The following TMEM135 variants were observed in gnomAD, a reference collection of about 807,000 sequenced individuals.
The protein encoded by TMEM135 is peroxisomal membrane protein 52.
In TMEM135, 30 loss-of-function variants were observed where a neutral mutation model predicts 60.3. That is an observed-to-expected ratio of 0.50 (90% CI 0.37 to 0.68). The LOEUF is 0.68. TMEM135 is among the 30% of genes least tolerant of loss of function. The pLI is 0.00. For synonymous variants in TMEM135, 190 were observed against 186.7 expected, an observed-to-expected ratio of 1.02 and a Z score of -0.14; for missense variants, 468 against 548.8, an observed-to-expected ratio of 0.85 and a Z score of 1.47.
intron 6 of TMEM135, among the ~76,000 whole-genome samples, chr11:87,237,502 G>A (rs991196390): frequency 3.3e-5 from 5 of 151,890 alleles, no homozygotes; most frequent in African/African-American, 1.2e-4. Flanking sequence ...CGGATTTTTA[G>A]TAGGATATAT....
rs1479914386 is a variant in TMEM135, at chr11:87,324,934, G to C, written c.*3601G>C. 2.2e-6 allele frequency: 1 copy of C among 453,872 alleles called. No homozygotes were observed. The highest frequency in any genetic ancestry group is 4.4e-6 in the Non-Finnish European group (1 of 226,766). 28.1% of individuals were successfully genotyped at this position (453,872 alleles called of 1,614,324 possible). A position where few individuals can be genotyped will look rare whatever the true frequency, so the allele number is the denominator to read the frequency against. ...GGCCAAGAAAAAAATACAAGAAAAGGAATAAGAAGTGATTATTTTCTTTAG... is the reference window on the plus strand; with the variant it reads ...GGCCAAGAAAAAAATACAAGAAAAGCAATAAGAAGTGATTATTTTCTTTAG... On this transcript the variant is annotated 3_prime_UTR_variant, in exon 15 of 15. Transcript: ENST00000305494.
intron 6 of TMEM135, chr11:87,259,275 ACC>A: frequency 2.6e-6 from 1 of 387,156 alleles, no homozygotes. Context: ...TGTAGGGGAC[ACC>A]AGAAGTGGAA....
intron 1 of TMEM135, among the ~76,000 whole-genome samples, chr11:87,061,458 TG>T (rs1432795522): frequency 6.6e-6 from 1 of 152,230 alleles, no homozygotes; most frequent in Non-Finnish European, 1.5e-5. Context: ...AATCATTTTT[TG>T]CTAGAGATTA....
chr11:87,213,892 A>G (rs301589), intron 5 of TMEM135, among the ~76,000 whole-genome samples: 72,164 of 152,034 alleles, frequency 0.47, 18,382 homozygotes, highest in Non-Finnish European at 0.58. Context: ...CTTGTTCTCA[A>G]TGTAGACTGA....
At chr11:87,155,286 G>T (rs538349681) in intron 4 of TMEM135, among the ~76,000 whole-genome samples, 1 of 152,170 alleles carries the variant, frequency 6.6e-6, no homozygotes, top group East Asian at 1.9e-4. Flanking sequence ...GGCGTGAGCC[G>T]CCATGCCCAG....
intron 4 of TMEM135, among the ~76,000 whole-genome samples, chr11:87,155,319 G>T (rs944207367): frequency 1.2e-4 from 19 of 152,190 alleles, no homozygotes; most frequent in African/African-American, 4.3e-4. Flanking sequence ...TTTGTTGCTT[G>T]TGCTTTCGGT....
At chr11:87,121,911 A>T (rs772629829) in intron 4 of TMEM135, among the ~76,000 whole-genome samples, 9 of 152,164 alleles carry the variant, frequency 5.9e-5, no homozygotes, top group Admixed American at 1.3e-4. Flanking sequence ...ATGTGCTGGG[A>T]TTATAGGCGT....
chr11:87,118,667 C>G (rs1857958511), intron 4 of TMEM135, among the ~76,000 whole-genome samples: 1 of 152,104 alleles, frequency 6.6e-6, no homozygotes, highest in African/African-American at 2.4e-5. Context: ...CCAAGCTGCT[C>G]TCCTGACCTC....
At chr11:87,053,803 T>C (rs539479617) in intron 1 of TMEM135, among the ~76,000 whole-genome samples, 4 of 152,330 alleles carry the variant, frequency 2.6e-5, no homozygotes, top group East Asian at 3.9e-4. Context: ...TTTGAATCTC[T>C]GTTGACCGCA....
intron 14 of TMEM135, 38 bp from the exon 15 acceptor site, chr11:87,321,163 T>C: frequency 1.9e-6 from 3 of 1,541,908 alleles, no homozygotes; most frequent in Admixed American, 3.4e-5. Context: ...TTTTATAAAC[T>C]ATATTAATAC....
intron 4 of TMEM135, among the ~76,000 whole-genome samples, chr11:87,114,545 A>T (rs896885806): frequency 6.6e-6 from 1 of 152,208 alleles, no homozygotes. Context: ...CATTTGGAAC[A>T]TACTTGTAGA....
rs537418522 is a variant in TMEM135 at position 87,105,737 on chromosome 11, T to C, written c.396+14342T>C. Among the ~76,000 whole-genome samples the C allele has an allele frequency of 1.3e-4, 20 of 152,378 alleles. No homozygotes were observed. The South Asian group carries it at 4.1e-3, about 32-fold the overall frequency. ...TTTGAACATTTATCATTTCTTTGTGTTGAGAACATTTTTCCTTTTTTATTT... is the reference window on the plus strand; with the variant it reads ...TTTGAACATTTATCATTTCTTTGTGCTGAGAACATTTTTCCTTTTTTATTT... On this transcript the variant is annotated intron_variant, in intron 4 of 14. Transcript: ENST00000305494.
intron 1 of TMEM135, among the ~76,000 whole-genome samples, chr11:87,054,573 T>G (rs1005912137): frequency 6.6e-6 from 1 of 152,234 alleles, no homozygotes; most frequent in African/African-American, 2.4e-5. Context: ...GAATGCTGAA[T>G]TTTTTCAACT....
Position 87,313,479 on chromosome 11 carries a change from A to G in TMEM135, c.991A>G (p.Ile331Val), listed in dbSNP as rs1333243704. 2.5e-6 allele frequency: 4 copies of G among 1,610,208 alleles called. No individual in the cohort carries two copies. Among genetic ancestry groups the G allele is most frequent in the South Asian group, 2.2e-5 (2 of 90,878 alleles). The change falls in exon 11 of 15, where the codon ATT (isoleucine) becomes GTT (valine). Residue 331 changes from isoleucine to valine, a missense_variant. By Grantham distance (29) the Ile-to-Val change is conservative (BLOSUM62 3). Transcript: ENST00000305494. ...AAACTTAGATGATGAACTACATGCTATTATAGCTGGTAAAGCAATAATAAA... is the reference window on the plus strand; with the variant it reads ...AAACTTAGATGATGAACTACATGCTGTTATAGCTGGTAAAGCAATAATAAA... ...IRNLDDELHAIIAGFLAGISM... is the reference protein window; with the variant it reads ...IRNLDDELHAVIAGFLAGISM...
intron 4 of TMEM135, among the ~76,000 whole-genome samples, chr11:87,125,223 T>A (rs1453468998): frequency 6.6e-6 from 1 of 152,226 alleles, no homozygotes; most frequent in African/African-American, 2.4e-5. Context: ...AGGGCACAGA[T>A]AGCCAATGCG....
intron 5 of TMEM135, among the ~76,000 whole-genome samples, chr11:87,223,371 C>T (rs540065059): frequency 1.6e-4 from 25 of 151,838 alleles, no homozygotes; most frequent in African/African-American, 5.8e-4. Flanking sequence ...GGGGTTTCAC[C>T]GTGTTAGCCA....
rs1416624701 is a variant in TMEM135, at chr11:87,321,532, A to G, written c.*199A>G. On this transcript the variant is annotated 3_prime_UTR_variant, in exon 15 of 15. Coordinates refer to ENST00000305494, the MANE Select transcript of TMEM135 (RefSeq NM_022918.4). ...GTTGCTTAATAATTAAGCTTCCTCC[A>G]TAGCCAGAATAAGATTCTGGATCAC... 2 of 691,740 alleles carry G rather than the reference A, an allele frequency of 2.9e-6. No homozygotes were observed. Among genetic ancestry groups the G allele is most frequent in the Non-Finnish European group, 5.2e-6 (2 of 382,372 alleles). 42.9% of individuals were successfully genotyped at this position (691,740 alleles called of 1,614,324 possible). A position where few individuals can be genotyped will look rare whatever the true frequency, so the allele number is the denominator to read the frequency against.
intron 7 of TMEM135, among the ~76,000 whole-genome samples, chr11:87,297,518 T>C (rs4400838): frequency 8.6e-5 from 13 of 151,990 alleles, no homozygotes; most frequent in African/African-American, 2.9e-4. Flanking sequence ...AAGTTTAAAG[T>C]TGATAACAAA....
intron 4 of TMEM135, among the ~76,000 whole-genome samples, chr11:87,139,251 TTGGGTGGGAC>T (rs1938198216): frequency 6.6e-6 from 1 of 152,160 alleles, no homozygotes; most frequent in Non-Finnish European, 1.5e-5. Context: ...AGAGCTACTT[TTGGGTGGGAC>T]TGGGGAGGAG....
Sources: allele counts gnomAD v4.1 joint callset (sites outside exome capture counted in the v4.1 genomes callset), GRCh38; gene constraint gnomAD v4.1.1; transcripts MANE v1.5; gene names NCBI Gene and HGNC (gene_info 2026-07-23, HGNC 2026-07-21).